Variants in EVI5 observed in about 807,000 individuals in gnomAD.
The protein encoded by EVI5 is ecotropic viral integration site 5 protein homolog.
EVI5 carries 73 observed loss-of-function variants against 112.0 expected under a neutral mutation model. The ratio of observed to expected loss-of-function variants is 0.65; its 90% confidence interval spans 0.54 to 0.79. EVI5 has a LOEUF of 0.79. EVI5 is among the 30% of genes least tolerant of loss of function. EVI5 has a pLI of 0.00. For synonymous variants in EVI5, 305 were observed against 319.9 expected (o/e 0.95, Z 0.50); for missense variants, 900 against 968.8 (o/e 0.93, Z 0.94).
At chr1:92,743,654 G>T (rs1678795830) in intron 1 of EVI5, among the ~76,000 whole-genome samples, 1 of 152,086 alleles carries the variant, frequency 6.6e-6, no homozygotes, top group Non-Finnish European at 1.5e-5. Flanking sequence ...GGTTAAAACT[G>T]TAAATTTTGT....
chr1:92,756,596 G>GA (rs1680987259), intron 1 of EVI5: 1 of 502,088 alleles, frequency 2.0e-6, no homozygotes, highest in Admixed American at 2.1e-5. Context: ...GGACAAGCAG[G>GA]ACCTCAAATG....
chr1:92,756,639 G>A, intron 1 of EVI5: 1 of 504,300 alleles, frequency 2.0e-6, no homozygotes, highest in South Asian at 1.5e-5. Context: ...CAGTCTCCCA[G>A]CCCTCACAGC....
chr1:92,736,743 A>C (rs1484062179), intron 1 of EVI5, 116 bp from the exon 2 acceptor site: 3 of 750,724 alleles, frequency 4.0e-6, no homozygotes, highest in Non-Finnish European at 6.7e-6. Flanking sequence ...CTCTTTGAGG[A>C]AGTAAAGGTA....
At position 92,561,665 on chromosome 1, in the gene EVI5, C is replaced by CT. The variant is rs200342796; in HGVS notation, c.2166+1976_2166+1977insA. 6.2e-3 allele frequency among the ~76,000 whole-genome samples: 713 copies of CT among 115,494 alleles called. 6 individuals carry two copies. Among genetic ancestry groups the CT allele is most frequent in the Middle Eastern group, 0.019 (4 of 210 alleles). The allele number at this position is 115,494 out of a possible 152,430, so 75.8% of individuals were successfully genotyped here. ...TCTATCTATCTATCTATCTATCTAT[C>CT]AGAGTCTCACTCTGCTGCCTGGAGT... is the stretch of plus-strand genomic sequence containing the variant. On this transcript the variant is annotated intron_variant, in intron 19 of 19. Transcript: ENST00000684568.
intron 19 of EVI5, among the ~76,000 whole-genome samples, chr1:92,531,842 T>C (rs912901767): frequency 6.6e-6 from 1 of 152,144 alleles, no homozygotes; most frequent in Non-Finnish European, 1.5e-5. Flanking sequence ...ACATACCAAA[T>C]TGTAAAGACC....
intron 2 of EVI5, among the ~76,000 whole-genome samples, chr1:92,705,316 C>T (rs1382110658): frequency 6.6e-6 from 1 of 152,170 alleles, no homozygotes; most frequent in Non-Finnish European, 1.5e-5. Context: ...GAGGATTTCA[C>T]ATATTTGCTT....
At chr1:92,616,624 CAG>C (rs1165478124) in intron 16 of EVI5, among the ~76,000 whole-genome samples, 4 of 152,138 alleles carry the variant, frequency 2.6e-5, no homozygotes, top group African/African-American at 4.8e-5. Context: ...ATTATAAAAA[CAG>C]AGATTCATGG....
At chr1:92,602,630 C>T (rs1649423527) in intron 18 of EVI5, among the ~76,000 whole-genome samples, 1 of 152,150 alleles carries the variant, frequency 6.6e-6, no homozygotes, top group Admixed American at 6.5e-5. Flanking sequence ...CGGTCTTGAA[C>T]TCCTGGCCTC....
At position 92,736,483 on chromosome 1, in the gene EVI5, A is replaced by G. The variant is rs2102816465; in HGVS notation, c.64T>C (p.Ser22Pro). ...GAAGATGGTGAAAGGGCTGGTGTTG[A>G]TAGTGTGGTAGATGAGGATGTGGTA... ...LHTTSSSTTLSTPALSPSSPS... is the reference protein window; with the variant it reads ...LHTTSSSTTLPTPALSPSSPS... Residue 22 changes from serine (S) to proline (P), a missense_variant, in exon 2 of 20, where the codon TCA (serine) becomes CCA (proline). Physicochemically the swap from Ser to Pro is moderately conservative, Grantham distance 74. Transcript: ENST00000684568. The G allele has an allele frequency of 6.2e-7, 1 of 1,613,946 alleles. No homozygotes were observed. The highest frequency in any genetic ancestry group is 8.5e-7 in the Non-Finnish European group (1 of 1,179,930).
chr1:92,734,108 T>C (rs112035111), intron 2 of EVI5, among the ~76,000 whole-genome samples: 1 of 152,216 alleles, frequency 6.6e-6, no homozygotes, highest in Admixed American at 6.5e-5. Flanking sequence ...TATAAATTGA[T>C]GTATATACAT....
intron 2 of EVI5, among the ~76,000 whole-genome samples, chr1:92,727,320 C>T (rs936610087): frequency 6.6e-6 from 1 of 152,092 alleles, no homozygotes; most frequent in African/African-American, 2.4e-5. Flanking sequence ...TATTAAAAAC[C>T]ACTAAACTGT....
At chr1:92,754,339 A>G (rs1680599252) in intron 1 of EVI5, among the ~76,000 whole-genome samples, 1 of 152,244 alleles carries the variant, frequency 6.6e-6, no homozygotes, top group South Asian at 2.1e-4. Flanking sequence ...TCCTGTCTTC[A>G]AATTGCTCAC....
chr1:92,790,702 C>G (rs926598896), intron 1 of EVI5, among the ~76,000 whole-genome samples: 2 of 151,044 alleles, frequency 1.3e-5, no homozygotes, highest in African/African-American at 4.9e-5. Flanking sequence ...ACCTGTAGTC[C>G]CAGCAACTAG....
At chr1:92,589,956 C>A (rs1445948849) in intron 18 of EVI5, among the ~76,000 whole-genome samples, 1 of 152,146 alleles carries the variant, frequency 6.6e-6, no homozygotes. Context: ...TTGCTGTTCA[C>A]CAATATCCGC....
intron 10 of EVI5, among the ~76,000 whole-genome samples, chr1:92,675,955 C>CA (rs370294019): frequency 0.11 from 5,959 of 55,928 alleles, 220 homozygotes; most frequent in Middle Eastern, 0.23. Flanking sequence ...GACTTCGTCT[C>CA]AAAAAAAAAA....
chr1:92,718,654 A>C (rs993889870), intron 2 of EVI5, among the ~76,000 whole-genome samples: 8 of 152,150 alleles, frequency 5.3e-5, no homozygotes, highest in African/African-American at 9.7e-5. Flanking sequence ...AGAGCAAACA[A>C]ATTCAAAAGT....
intron 6 of EVI5, among the ~76,000 whole-genome samples, chr1:92,696,776 C>T (rs1425675709): frequency 6.6e-6 from 1 of 152,066 alleles, no homozygotes; most frequent in African/African-American, 2.4e-5. Context: ...CGGTGGCTCA[C>T]GCCTGTGATC....
intron 11 of EVI5, among the ~76,000 whole-genome samples, chr1:92,665,324 T>C (rs922738489): frequency 8.5e-5 from 13 of 152,220 alleles, no homozygotes; most frequent in African/African-American, 2.9e-4. Flanking sequence ...TCTTATAGCA[T>C]CTGTAAATGA....
chr1:92,735,806 GTATAT>G (rs1487676397), intron 2 of EVI5, among the ~76,000 whole-genome samples: 1 of 139,780 alleles, frequency 7.2e-6, no homozygotes, highest in African/African-American at 2.6e-5. Context: ...TATATATTTT[GTATAT>G]TATATATTAT....
Sources: allele counts gnomAD v4.1 joint callset (sites outside exome capture counted in the v4.1 genomes callset), GRCh38; gene constraint gnomAD v4.1.1; transcripts MANE v1.5; gene names NCBI Gene and HGNC (gene_info 2026-07-23, HGNC 2026-07-21).